The following TCF4 variants were observed in gnomAD, a reference collection of about 807,000 sequenced individuals.
TCF4 encodes SL3-3 enhancer factor 2.
A neutral mutation model predicts 82.1 loss-of-function variants in TCF4; 3 were observed. The observed-to-expected ratio is 0.04, with a 90% CI of 0.02 to 0.09. The LOEUF (loss-of-function observed/expected upper bound fraction) is 0.09, where lower values mean the gene tolerates loss of function less well. Ranked by LOEUF, TCF4 falls within the 10% of genes least tolerant of loss-of-function variation. The pLI, the probability that TCF4 is intolerant of heterozygous loss-of-function variation, is 1.00. For synonymous variants in TCF4, 276 were observed against 309.6 expected, an observed-to-expected ratio of 0.89 and a Z score of 1.14; for missense variants, 518 against 852.7, an observed-to-expected ratio of 0.61 and a Z score of 4.89.
intron 6 of TCF4, among the ~76,000 whole-genome samples, chr18:55,354,318 T>G (rs1312429195): frequency 6.6e-6 from 1 of 152,228 alleles, no homozygotes; most frequent in Non-Finnish European, 1.5e-5. Context: ...AGTGTCTTTT[T>G]CAATTAAAAT....
intron 1 of TCF4, 111 bp downstream of exon 1, chr18:55,587,927 C>A (rs1288591921): frequency 5.5e-6 from 5 of 907,488 alleles, no homozygotes; most frequent in Non-Finnish European, 6.6e-6. Flanking sequence ...GCGCCGGGCG[C>A]CGGGAGCCCG....
At chr18:55,590,894 G>C (rs2097684151), upstream of TCF4, among the ~76,000 whole-genome samples, 1 of 152,164 alleles carries the variant, frequency 6.6e-6, no homozygotes, top group South Asian at 2.1e-4. Flanking sequence ...TGAGTAGCTT[G>C]ACCCAAGGAA....
chr18:55,245,689 C>T lies in TCF4; in HGVS notation c.1350+8808G>A, dbSNP rs73957089. On this transcript the variant is annotated intron_variant, in intron 15 of 19. Coordinates refer to ENST00000354452, the MANE Select transcript of TCF4 (RefSeq NM_001083962.2). ...TCATGTTTATTATATGGCTCTGAAA[C>T]GCCTTTTCTATCCTGTCTCTAATTG... Among the ~76,000 whole-genome samples, 1,308 of 152,256 alleles carry T rather than the reference C, an allele frequency of 8.6e-3. 20 individuals carry two copies. Among genetic ancestry groups the T allele is most frequent in the African/African-American group, 0.028 (1,182 of 41,528 alleles).
At chr18:55,377,968 A>G (rs932381738) in intron 6 of TCF4, among the ~76,000 whole-genome samples, 6 of 152,158 alleles carry the variant, frequency 3.9e-5, no homozygotes, top group African/African-American at 7.2e-5. Context: ...TTACTGTGCC[A>G]TTTTGTAACT....
chr18:55,546,836 A>G (rs536510853), intron 3 of TCF4: 2 of 152,364 alleles, frequency 1.3e-5, no homozygotes, highest in Non-Finnish European at 2.9e-5. Flanking sequence ...AAAAATAGAC[A>G]TAGCACCACC....
At chr18:55,554,802 AG>A (rs2097290362) in intron 3 of TCF4, among the ~76,000 whole-genome samples, 1 of 152,232 alleles carries the variant, frequency 6.6e-6, no homozygotes, top group South Asian at 2.1e-4. Flanking sequence ...TTCTCCATAA[AG>A]GTTTGTGAAA....
chr18:55,257,579 T>C, intron 13 of TCF4, 188 bp from the exon 14 acceptor site: 1 of 633,822 alleles, frequency 1.6e-6, no homozygotes, highest in African/African-American at 1.8e-5. Flanking sequence ...GTAAAATATG[T>C]AGACTTTACA....
At chr18:55,534,300 G>A (rs2097096138) in intron 3 of TCF4, among the ~76,000 whole-genome samples, 1 of 152,236 alleles carries the variant, frequency 6.6e-6, no homozygotes, top group Non-Finnish European at 1.5e-5. Flanking sequence ...TACATGGGTA[G>A]TGAAAGGGAA....
At chr18:55,320,660 T>C (rs1261026838) in intron 8 of TCF4, among the ~76,000 whole-genome samples, 3 of 152,220 alleles carry the variant, frequency 2.0e-5, no homozygotes, top group Non-Finnish European at 4.4e-5. Flanking sequence ...CTGTCCCCTT[T>C]GGCCCAACTA....
intron 3 of TCF4, among the ~76,000 whole-genome samples, chr18:55,574,458 G>A (rs1444439308): frequency 6.6e-6 from 1 of 152,166 alleles, no homozygotes; most frequent in Non-Finnish European, 1.5e-5. Context: ...CCGAGTAGCT[G>A]AGATTACAGG....
intron 6 of TCF4, among the ~76,000 whole-genome samples, chr18:55,391,466 C>A (rs1253073557): frequency 6.6e-6 from 1 of 151,922 alleles, no homozygotes. Context: ...TAAGTGATGA[C>A]CCTCTCTAGG....
intron 3 of TCF4, among the ~76,000 whole-genome samples, chr18:55,533,147 CA>C (rs1399319811): frequency 6.6e-6 from 1 of 152,042 alleles, no homozygotes; most frequent in Non-Finnish European, 1.5e-5. Flanking sequence ...ACTTCATGTT[CA>C]AAAATACAAC....
rs1295835305 is a variant in TCF4, at chr18:55,351,018, A to G, written c.370-15T>C. The G allele has an allele frequency of 1.2e-6, 2 of 1,612,944 alleles. No individual in the cohort carries two copies. Among genetic ancestry groups the G allele is most frequent in the Non-Finnish European group, 8.5e-7 (1 of 1,179,158 alleles). On this transcript the variant is annotated splice_polypyrimidine_tract_variant and intron_variant, in intron 6 of 19. Coordinates refer to ENST00000354452, the MANE Select transcript of TCF4 (RefSeq NM_001083962.2). ...AGGAGACTCTGCTAAAAGGTTAAAAAGGGAAAACAAACATATAAGGTTAAT... is the reference window on the plus strand; with the variant it reads ...AGGAGACTCTGCTAAAAGGTTAAAAGGGGAAAACAAACATATAAGGTTAAT...
intron 8 of TCF4, among the ~76,000 whole-genome samples, chr18:55,288,880 A>G (rs2064340934): frequency 6.6e-6 from 1 of 152,238 alleles, no homozygotes; most frequent in African/African-American, 2.4e-5. Context: ...TCAGCACACT[A>G]AACTGATTAA....
At chr18:55,322,208 G>A in intron 8 of TCF4, 1 of 1,045,026 alleles carries the variant, frequency 9.6e-7, no homozygotes, top group Non-Finnish European at 1.1e-6. Flanking sequence ...GTCCATTATT[G>A]AGCAGAATAC....
intron 3 of TCF4, among the ~76,000 whole-genome samples, chr18:55,567,786 C>A (rs9953708): frequency 0.03 from 4,488 of 151,720 alleles, 222 homozygotes; most frequent in African/African-American, 0.1. Flanking sequence ...ATAGAGTACA[C>A]ATTCTTCTGA....
At chr18:55,283,716 T>A (rs1274202176) in intron 8 of TCF4, among the ~76,000 whole-genome samples, 2 of 152,332 alleles carry the variant, frequency 1.3e-5, no homozygotes, top group Admixed American at 6.5e-5. Flanking sequence ...GTCCTCAGAT[T>A]CCTGCTTGTA....
chr18:55,577,432 T>A (rs541018235), intron 3 of TCF4, among the ~76,000 whole-genome samples: 4 of 151,678 alleles, frequency 2.6e-5, no homozygotes, highest in Non-Finnish European at 5.9e-5. Flanking sequence ...GATATAAATA[T>A]AAATAAAGAT....
intron 5 of TCF4, among the ~76,000 whole-genome samples, chr18:55,431,231 C>G (rs1380219348): frequency 6.6e-6 from 1 of 152,168 alleles, no homozygotes; most frequent in Non-Finnish European, 1.5e-5. Flanking sequence ...AACCTGACAT[C>G]TCATCTAAAT....
Sources: gnomAD v4.1 joint callset for allele counts (sites outside exome capture counted in the v4.1 genomes callset) on GRCh38, gnomAD v4.1.1 for gene constraint, MANE v1.5 for transcripts, NCBI Gene and HGNC (gene_info 2026-07-23, HGNC 2026-07-21) for gene names.